The following SYT1 variants were observed in gnomAD, a reference collection of about 807,000 sequenced individuals.
SYT1 encodes synaptotagmin-1.
A neutral mutation model predicts 44.8 loss-of-function variants in SYT1; 8 were observed. The observed-to-expected ratio is 0.18, with a 90% CI of 0.10 to 0.32. The LOEUF (loss-of-function observed/expected upper bound fraction) is 0.32. Among genes scored for constraint, SYT1 ranks in the 10% least tolerant of loss-of-function variants. The pLI, the probability that SYT1 is intolerant of heterozygous loss-of-function variation, is 1.00. For synonymous variants in SYT1, 154 were observed against 188.8 expected (o/e 0.82, Z 1.51); for missense variants, 286 against 509.3 (o/e 0.56, Z 4.22).
intron 2 of SYT1, among the ~76,000 whole-genome samples, chr12:79,020,966 T>A (rs960742611): frequency 6.6e-6 from 1 of 151,956 alleles, no homozygotes; most frequent in African/African-American, 2.4e-5. Context: ...TAGTCAACGT[T>A]GGTGCTAAAC....
chr12:78,945,199 A>G (rs1421352823), intron 1 of SYT1, among the ~76,000 whole-genome samples: 2 of 152,150 alleles, frequency 1.3e-5, no homozygotes, highest in Admixed American at 6.5e-5. Flanking sequence ...TTCAGAATAA[A>G]TAAGTAATTA....
chr12:78,935,037 T>C (rs1877977685), intron 1 of SYT1, among the ~76,000 whole-genome samples: 2 of 152,186 alleles, frequency 1.3e-5, no homozygotes, highest in South Asian at 4.1e-4. Context: ...TTCCAATGAA[T>C]GAAATGCAAA....
chr12:79,261,889 G>A (rs1217737339), intron 4 of SYT1, among the ~76,000 whole-genome samples: 2 of 152,136 alleles, frequency 1.3e-5, no homozygotes, highest in African/African-American at 4.8e-5. Context: ...AAGAGTGGAA[G>A]TAATATGTAA....
intron 3 of SYT1, among the ~76,000 whole-genome samples, chr12:79,185,503 T>C (rs1186536837): frequency 6.6e-6 from 1 of 151,986 alleles, no homozygotes; most frequent in Non-Finnish European, 1.5e-5. Context: ...CATTATATCT[T>C]GTTATATAAG....
intron 9 of SYT1, chr12:79,393,520 C>T (rs1454887759): frequency 6.6e-6 from 1 of 152,188 alleles, no homozygotes; most frequent in Non-Finnish European, 1.5e-5. Flanking sequence ...GATGGTATCT[C>T]ATTGTGGTTT....
intron 1 of SYT1, among the ~76,000 whole-genome samples, chr12:78,911,779 T>C (rs989092717): frequency 6.6e-6 from 1 of 151,942 alleles, no homozygotes; most frequent in Non-Finnish European, 1.5e-5. Flanking sequence ...CTTGGGAAAG[T>C]GAGGAGACTT....
chr12:79,210,736 T>C (rs896934903), intron 3 of SYT1, among the ~76,000 whole-genome samples: 1 of 152,204 alleles, frequency 6.6e-6, no homozygotes, highest in Non-Finnish European at 1.5e-5. Context: ...TTTCATATAA[T>C]GACTTATTTT....
chr12:78,933,558 C>T (rs1877872926), intron 1 of SYT1, among the ~76,000 whole-genome samples: 1 of 152,104 alleles, frequency 6.6e-6, no homozygotes, highest in South Asian at 2.1e-4. Flanking sequence ...TTTCACTCTA[C>T]TTGTCAAGTT....
At chr12:79,345,185 G>A (rs1166087707) in intron 8 of SYT1, among the ~76,000 whole-genome samples, 1 of 152,150 alleles carries the variant, frequency 6.6e-6, no homozygotes, top group African/African-American at 2.4e-5. Context: ...GTTAAAAGGG[G>A]AAAACTAGAA....
intron 4 of SYT1, among the ~76,000 whole-genome samples, chr12:79,221,646 A>G (rs916596688): frequency 1.3e-5 from 2 of 152,182 alleles, no homozygotes; most frequent in Admixed American, 1.3e-4. Flanking sequence ...TTTAAGCTGA[A>G]AACAAATTAA....
intron 1 of SYT1, among the ~76,000 whole-genome samples, chr12:78,961,250 C>A (rs1879484946): frequency 1.3e-5 from 2 of 151,868 alleles, no homozygotes; most frequent in Admixed American, 1.3e-4. Context: ...TACAGGTATG[C>A]CCCACCTACC....
intron 3 of SYT1, among the ~76,000 whole-genome samples, chr12:79,147,457 T>A (rs1009925389): frequency 1.3e-5 from 2 of 152,224 alleles, no homozygotes; most frequent in African/African-American, 4.8e-5. Flanking sequence ...AGACTTACAC[T>A]GATTTTTAAA....
chr12:79,138,657 A>G (rs890287173), intron 3 of SYT1, among the ~76,000 whole-genome samples: 1 of 150,784 alleles, frequency 6.6e-6, no homozygotes, highest in Non-Finnish European at 1.5e-5. Context: ...GTGTGTGTGC[A>G]TGTGTGTGTG....
intron 9 of SYT1, among the ~76,000 whole-genome samples, chr12:79,423,711 A>C (rs1869259650): frequency 1.3e-5 from 2 of 152,016 alleles, no homozygotes; most frequent in South Asian, 4.2e-4. Flanking sequence ...CATTTATCAG[A>C]AAAATTCTTC....
At chr12:79,121,846 G>A (rs1330725312) in intron 3 of SYT1, among the ~76,000 whole-genome samples, 3 of 152,218 alleles carry the variant, frequency 2.0e-5, no homozygotes, top group Non-Finnish European at 2.9e-5. Context: ...ACCTGTCAAT[G>A]TATTGAATAA....
intron 3 of SYT1, among the ~76,000 whole-genome samples, chr12:79,215,918 CTTTTTTTTTTTTTTTTTT>C (rs71091653): frequency 5.2e-5 from 4 of 76,726 alleles, no homozygotes; most frequent in Non-Finnish European, 9.1e-5. Context: ...GCATTTCTTT[CTTTTTTTTTTTTTTTTTT>C]TTTTTTTTTT....
chr12:79,206,972 C>T (rs1034086981), intron 3 of SYT1, among the ~76,000 whole-genome samples: 1 of 152,200 alleles, frequency 6.6e-6, no homozygotes, highest in Non-Finnish European at 1.5e-5. Flanking sequence ...CTGGCTTCAC[C>T]ACTTATTAAC....
chr12:78,900,052 C>T (rs554651880), intron 1 of SYT1, among the ~76,000 whole-genome samples: 2 of 152,048 alleles, frequency 1.3e-5, no homozygotes, highest in African/African-American at 4.8e-5. Flanking sequence ...GCAAATGTGA[C>T]AAACCAGGTT....
At chr12:79,257,722 G>A (rs1220465116) in intron 4 of SYT1, among the ~76,000 whole-genome samples, 1 of 152,102 alleles carries the variant, frequency 6.6e-6, no homozygotes, top group Non-Finnish European at 1.5e-5. Context: ...CTCTTGACCT[G>A]GTGATCCGCT....
Sources: gnomAD v4.1 joint callset for allele counts (sites outside exome capture counted in the v4.1 genomes callset) on GRCh38, gnomAD v4.1.1 for gene constraint, MANE v1.5 for transcripts, NCBI Gene and HGNC (gene_info 2026-07-23, HGNC 2026-07-21) for gene names.